COG2: variants seen among roughly 807,000 people sequenced by gnomAD.
COG2 encodes conserved oligomeric Golgi complex subunit 2.
Under a neutral mutation model 90.6 loss-of-function variants are expected in COG2, and 52 were observed. That is an observed-to-expected ratio of 0.57 (90% CI 0.46 to 0.72). The LOEUF is 0.72. Among genes scored for constraint, COG2 ranks in the 30% least tolerant of loss-of-function variants. The pLI, the probability that COG2 is intolerant of heterozygous loss-of-function variation, is 0.00. For missense variants in COG2, 829 were observed against 891.2 expected (o/e 0.93, Z 0.89); for synonymous variants, 337 against 320.4 (o/e 1.05, Z -0.55).
At chr1:230,686,500 G>T (rs976727003) in intron 12 of COG2, among the ~76,000 whole-genome samples, 3 of 152,040 alleles carry the variant, frequency 2.0e-5, no homozygotes, top group African/African-American at 7.2e-5. Context: ...TAAACAATGT[G>T]ACACAAAGAA....
intron 14 of COG2, 56 bp from the exon 15 acceptor site, chr1:230,688,364 G>A (rs1309848011): frequency 6.3e-7 from 1 of 1,594,790 alleles, no homozygotes; most frequent in Non-Finnish European, 8.6e-7. Context: ...TATTTCAAAT[G>A]AAGTTCATGT....
intron 1 of COG2, 124 bp downstream of exon 1, chr1:230,642,802 G>A: frequency 1.1e-6 from 1 of 886,240 alleles, no homozygotes; most frequent in East Asian, 2.9e-5. Context: ...CCTCCGCCGA[G>A]ACCTCGCTGC....
chr1:230,691,748 T>C (rs1445077371), intron 17 of COG2, 184 bp downstream of exon 17: 1 of 564,780 alleles, frequency 1.8e-6, no homozygotes, highest in Non-Finnish European at 3.1e-6. Flanking sequence ...GAGACGGCAA[T>C]ATGAGAATTC....
intron 9 of COG2, among the ~76,000 whole-genome samples, chr1:230,677,047 C>T (rs943970788): frequency 2.6e-5 from 4 of 152,038 alleles, no homozygotes; most frequent in Admixed American, 6.6e-5. Flanking sequence ...ATCTTTCATC[C>T]ATTCTGGAAC....
chr1:230,680,676 T>C (rs1418119794), intron 10 of COG2: 1 of 152,244 alleles, frequency 6.6e-6, no homozygotes, highest in Admixed American at 6.5e-5. Context: ...CTCTTTTATT[T>C]AAAATTCATG....
chr1:230,688,107 G>A lies in COG2; in HGVS notation c.1615G>A (p.Glu539Lys). The A allele has an allele frequency of 6.2e-7, 1 of 1,601,442 alleles. No individual in the cohort carries two copies. The highest frequency in any genetic ancestry group is 1.3e-5 in the African/African-American group (1 of 74,452). ...ELLEIIKPKL[E>K]MIGFKNFSSI... ...CTTGGAAATAATCAAGCCAAAACTT[G>A]AAATGATTGGCTTTAAGAATTTTTC... Residue 539 changes from glutamate (E) to lysine (K), a missense_variant, in exon 14 of 18, where the codon GAA (glutamate) becomes AAA (lysine). Coordinates refer to ENST00000366669, the MANE Select transcript of COG2 (RefSeq NM_007357.3).
chr1:230,674,357 C>T (rs1187764588), intron 8 of COG2, among the ~76,000 whole-genome samples: 3 of 152,206 alleles, frequency 2.0e-5, no homozygotes, highest in Non-Finnish European at 2.9e-5. Flanking sequence ...CGCATGCTTT[C>T]TGTCAGTGCT....
At chr1:230,668,894 T>C (rs925310624) in intron 6 of COG2, 110 bp downstream of exon 6, 11 of 692,652 alleles carry the variant, frequency 1.6e-5, no homozygotes, top group Non-Finnish European at 2.6e-5. Flanking sequence ...TAACCTTGCA[T>C]TTTTTTTCAA....
At position 230,688,142 on chromosome 1, in the gene COG2, A is replaced by C; in HGVS notation, c.1650A>C (p.Ser550=). The C allele has an allele frequency of 6.3e-7, 1 of 1,580,672 alleles. No individual in the cohort carries two copies. The highest frequency in any genetic ancestry group is 8.6e-7 in the Non-Finnish European group (1 of 1,159,862). The change falls in exon 14 of 18, where the codon TCA becomes TCC. Residue 550 remains serine, a splice_region_variant and synonymous_variant. Coordinates refer to ENST00000366669, the MANE Select transcript of COG2 (RefSeq NM_007357.3). ...MIGFKNFSSI[S]AALEDSQSSF... Reference sequence around the variant, plus strand: ...GCTTTAAGAATTTTTCTTCTATCTCAGGTAAAAATGAATCTTGACTAAGCA... The same window carrying C: ...GCTTTAAGAATTTTTCTTCTATCTCCGGTAAAAATGAATCTTGACTAAGCA...
At chr1:230,655,790 T>C (rs895342570) in intron 1 of COG2, among the ~76,000 whole-genome samples, 5 of 152,258 alleles carry the variant, frequency 3.3e-5, no homozygotes, top group African/African-American at 7.2e-5. Flanking sequence ...GTTATTGGTC[T>C]ATTCAGGGAT....
intron 9 of COG2, among the ~76,000 whole-genome samples, chr1:230,675,772 A>C (rs1010423179): frequency 6.6e-6 from 1 of 152,038 alleles, no homozygotes; most frequent in Non-Finnish European, 1.5e-5. Context: ...CTGCTTCCTG[A>C]GTAGCTGGGA....
At chr1:230,688,337 T>C (rs1323969938) in intron 14 of COG2, 83 bp from the exon 15 acceptor site, 6 of 1,512,510 alleles carry the variant, frequency 4.0e-6, no homozygotes, top group South Asian at 2.3e-5. Context: ...TAGTACACAA[T>C]GTAAATGCTG....
chr1:230,663,363 G>A (rs1662238422), intron 4 of COG2, 142 bp downstream of exon 4: 1 of 341,454 alleles, frequency 2.9e-6, no homozygotes, highest in African/African-American at 2.2e-5. Context: ...ATATTAAAGT[G>A]TTTATATTAA....
intron 7 of COG2, 120 bp downstream of exon 7, chr1:230,669,655 A>G (rs549003206): frequency 3.4e-6 from 3 of 871,256 alleles, no homozygotes; most frequent in Non-Finnish European, 3.4e-6. Flanking sequence ...CTCAGTTCCT[A>G]CAGTACCAGC....
Position 230,683,785 on chromosome 1 carries a change from G to T in COG2, c.1228+150G>T, listed in dbSNP as rs547124719. The stretch of plus-strand genomic sequence containing the variant: ...TTGGACCTTAAAAATCACTTAGTTT[G>T]ACTTCTTTTTTTTGCTTTTTTTTTG... On this transcript the variant is annotated intron_variant, in intron 11 of 17. Transcript: ENST00000366669. 14 of 602,654 alleles carry T rather than the reference G, an allele frequency of 2.3e-5. No individual in the cohort carries two copies. The Admixed American group carries it at 3.0e-4, about 13-fold the overall frequency. The allele number at this position is 602,654 out of a possible 1,614,324, so 37.3% of individuals were successfully genotyped here.
chr1:230,688,441 G>C lies in COG2; in HGVS notation c.1673G>C (p.Ser558Thr), dbSNP rs769467645. The change falls in exon 15 of 18, where the codon AGC becomes ACC. Residue 558 changes from serine (S) to threonine (T), a missense_variant. Transcript: ENST00000366669. Reference sequence around the variant, plus strand: ...ACAGCAGCCCTGGAGGACTCCCAGAGCTCTTTTTCAGCCTGTGTGCCCTCC... The same window carrying C: ...ACAGCAGCCCTGGAGGACTCCCAGACCTCTTTTTCAGCCTGTGTGCCCTCC... ...SISAALEDSQ[S>T]SFSACVPSLS... The C allele has an allele frequency of 6.2e-7, 1 of 1,614,006 alleles. No homozygotes were observed. Among genetic ancestry groups the C allele is most frequent in the South Asian group, 1.1e-5 (1 of 91,076 alleles).
chr1:230,680,659 A>T (rs1662721642), intron 10 of COG2: 1 of 152,224 alleles, frequency 6.6e-6, no homozygotes, highest in Admixed American at 6.5e-5. Flanking sequence ...AGCCTTTTTT[A>T]AAAAACCTCT....
intron 1 of COG2, among the ~76,000 whole-genome samples, chr1:230,658,351 A>G (rs1230605887): frequency 1.3e-5 from 2 of 152,002 alleles, no homozygotes; most frequent in Non-Finnish European, 2.9e-5. Context: ...TCCACTCCAG[A>G]CCCTGTTTGC....
At chr1:230,669,167 A>G in intron 6 of COG2, 189 bp from the exon 7 acceptor site, 1 of 512,964 alleles carries the variant, frequency 1.9e-6, no homozygotes, top group Non-Finnish European at 3.3e-6. Flanking sequence ...TTCTTCTTTG[A>G]TGAAGCAGAG....
Sources: gnomAD v4.1 joint callset for allele counts (sites outside exome capture counted in the v4.1 genomes callset) on GRCh38, gnomAD v4.1.1 for gene constraint, MANE v1.5 for transcripts, NCBI Gene and HGNC (gene_info 2026-07-23, HGNC 2026-07-21) for gene names.